ZBTB20: variants seen among roughly 807,000 people sequenced by gnomAD.
ZBTB20 encodes the protein zinc finger and BTB domain-containing protein 20.
A neutral mutation model predicts 56.9 loss-of-function variants in ZBTB20; 9 were observed. The observed-to-expected ratio is 0.16, with a 90% CI of 0.10 to 0.28. ZBTB20 has a LOEUF of 0.28. ZBTB20 is among the 10% of genes least tolerant of loss of function. The pLI is 1.00. For synonymous variants in ZBTB20, 417 were observed against 420.7 expected (o/e 0.99, Z 0.11); for missense variants, 655 against 1,003.0 (o/e 0.65, Z 4.69).
intron 3 of ZBTB20, among the ~76,000 whole-genome samples, chr3:114,962,948 G>T (rs2077509364): frequency 6.6e-6 from 1 of 152,052 alleles, no homozygotes; most frequent in South Asian, 2.1e-4. Context: ...TCAGTCAGAA[G>T]GCAAGGGTAC....
intron 1 of ZBTB20, among the ~76,000 whole-genome samples, chr3:115,096,804 C>T (rs552873800): frequency 3.3e-5 from 5 of 152,104 alleles, no homozygotes; most frequent in Admixed American, 1.3e-4. Flanking sequence ...TGTAGATAAT[C>T]ACACAATTAG....
At chr3:114,615,888 G>C (rs533708767) in intron 6 of ZBTB20, among the ~76,000 whole-genome samples, 1 of 152,188 alleles carries the variant, frequency 6.6e-6, no homozygotes, top group South Asian at 2.1e-4. Flanking sequence ...TGCAGTTTAC[G>C]ATGTCAATAG....
intron 6 of ZBTB20, among the ~76,000 whole-genome samples, chr3:114,679,512 G>A (rs952933877): frequency 1.6e-4 from 24 of 151,770 alleles, no homozygotes; most frequent in African/African-American, 4.4e-4. Context: ...ATAATTATGC[G>A]GCCAAAAAAC....
chr3:115,009,131 T>C (rs980019808), intron 2 of ZBTB20, among the ~76,000 whole-genome samples: 7 of 151,988 alleles, frequency 4.6e-5, no homozygotes, highest in Non-Finnish European at 1.0e-4. Flanking sequence ...TTCTGTTTCT[T>C]GGATAATGTT....
chr3:114,532,990 C>T (rs1304383144), intron 6 of ZBTB20, among the ~76,000 whole-genome samples: 1 of 152,150 alleles, frequency 6.6e-6, no homozygotes, highest in Non-Finnish European at 1.5e-5. Flanking sequence ...CCGAAGATCA[C>T]CAGCGTCAAA....
rs574205405 is a variant in ZBTB20 at position 114,912,577 on chromosome 3, C to T, written c.-455-12235G>A. ...ATAAAGGCAAATGGAGTATCCATCA[C>T]CTCAAGCATTTATGCTTTGTGTTAC... On this transcript the variant is annotated intron_variant, in intron 3 of 11. Coordinates refer to ENST00000675478, the MANE Select transcript of ZBTB20 (RefSeq NM_001348800.3). Among the ~76,000 whole-genome samples, 3 of 151,904 alleles carry T rather than the reference C, an allele frequency of 2.0e-5. No individual in the cohort carries two copies. In the South Asian group the frequency reaches 6.2e-4, roughly 31 times the overall value.
chr3:114,541,875 A>G (rs1238355315), intron 6 of ZBTB20, among the ~76,000 whole-genome samples: 1 of 152,168 alleles, frequency 6.6e-6, no homozygotes, highest in Non-Finnish European at 1.5e-5. Flanking sequence ...GAGTAAGAAT[A>G]CCTGCTTGTA....
At position 114,641,524 on chromosome 3, in the gene ZBTB20, T is replaced by C. The variant is rs912428779; in HGVS notation, c.-295+52004A>G. On this transcript the variant is annotated intron_variant, in intron 6 of 11. Coordinates refer to ENST00000675478, the MANE Select transcript of ZBTB20 (RefSeq NM_001348800.3). ...GTTTCTTATATAGATAATTTTTCCA[T>C]GGAAGGAAGGGGAAACGAGGCGAAA... Among the ~76,000 whole-genome samples, 4 of 151,788 alleles carry C rather than the reference T, an allele frequency of 2.6e-5. No individual in the cohort carries two copies. The South Asian group carries it at 8.3e-4, about 32-fold the overall frequency.
At chr3:115,133,676 G>T (rs539162553) in intron 1 of ZBTB20, among the ~76,000 whole-genome samples, 19 of 152,174 alleles carry the variant, frequency 1.2e-4, no homozygotes, top group African/African-American at 4.1e-4. Flanking sequence ...ATGTTTTCAA[G>T]GTTCATCCAT....
At chr3:114,772,743 A>G (rs2069308902) in intron 5 of ZBTB20, among the ~76,000 whole-genome samples, 1 of 150,838 alleles carries the variant, frequency 6.6e-6, no homozygotes, top group African/African-American at 2.4e-5. Context: ...TCATTCTTTT[A>G]GAATTCATCT....
intron 6 of ZBTB20, among the ~76,000 whole-genome samples, chr3:114,525,203 A>C (rs949233996): frequency 5.9e-5 from 9 of 152,044 alleles, no homozygotes; most frequent in Admixed American, 5.9e-4. Context: ...TATAAATTTC[A>C]TAAGGGGAAA....
At chr3:114,835,439 T>C (rs1054074426) in intron 4 of ZBTB20, among the ~76,000 whole-genome samples, 2 of 152,204 alleles carry the variant, frequency 1.3e-5, no homozygotes, top group Non-Finnish European at 2.9e-5. Flanking sequence ...TGTGTAAAAT[T>C]AGTTTTGCCT....
chr3:114,516,336 T>A (rs757127241), intron 6 of ZBTB20, among the ~76,000 whole-genome samples: 1 of 152,218 alleles, frequency 6.6e-6, no homozygotes, highest in South Asian at 2.1e-4. Flanking sequence ...TGTACATTCA[T>A]GCCCCTTGTA....
chr3:114,893,049 A>C (rs1475137559), intron 4 of ZBTB20, among the ~76,000 whole-genome samples: 1 of 152,184 alleles, frequency 6.6e-6, no homozygotes, highest in East Asian at 1.9e-4. Context: ...TGGGTACAGC[A>C]CATTTACAGA....
At chr3:114,766,885 A>C (rs536096070) in intron 5 of ZBTB20, among the ~76,000 whole-genome samples, 2 of 152,202 alleles carry the variant, frequency 1.3e-5, no homozygotes, top group South Asian at 4.2e-4. Context: ...TTTCTTTCCC[A>C]AACTCATTCT....
intron 3 of ZBTB20, among the ~76,000 whole-genome samples, chr3:114,931,704 G>T (rs1331881302): frequency 4.8e-5 from 7 of 146,460 alleles, no homozygotes; most frequent in African/African-American, 1.2e-4. Context: ...GTTTTTGTGT[G>T]TTTTTTTTTT....
intron 5 of ZBTB20, among the ~76,000 whole-genome samples, chr3:114,790,285 C>T (rs1218046637): frequency 1.3e-5 from 2 of 152,042 alleles, no homozygotes. Flanking sequence ...ACAATAAAAG[C>T]TATTTAAAGA....
In ZBTB20 at chr3:115,105,061, G is replaced by A. The variant is rs546508818; in HGVS notation, c.-702-33647C>T. Among the ~76,000 whole-genome samples the A allele has an allele frequency of 2.0e-4, 31 of 152,168 alleles. No individual in the cohort carries two copies. In the South Asian group the frequency reaches 6.4e-3, roughly 32 times the overall value. ...TAAACAATAAATTAAAAGAAAATTG[G>A]TTCTGGTCCCAGCATTGCCACAAAT... is the stretch of plus-strand genomic sequence containing the variant. On this transcript the variant is annotated intron_variant, in intron 1 of 11. Transcript: ENST00000675478.
At chr3:114,919,165 G>T (rs186647242) in intron 3 of ZBTB20, among the ~76,000 whole-genome samples, 1 of 152,088 alleles carries the variant, frequency 6.6e-6, no homozygotes, top group Admixed American at 6.5e-5. Context: ...AATATAAAAA[G>T]GTATAAAATG....
Sources: gnomAD v4.1 joint callset for allele counts (sites outside exome capture counted in the v4.1 genomes callset) on GRCh38, gnomAD v4.1.1 for gene constraint, MANE v1.5 for transcripts, NCBI Gene and HGNC (gene_info 2026-07-23, HGNC 2026-07-21) for gene names.